Variants in TARBP1 observed in about 807,000 individuals in gnomAD.
The protein encoded by TARBP1 is tRNA guanosine 2 -O-methyltransferase TARBP1.
In TARBP1, 144 loss-of-function variants were observed where a neutral mutation model predicts 178.6. The observed-to-expected ratio is 0.81, with a 90% confidence interval of 0.70 to 0.93. The LOEUF (loss-of-function observed/expected upper bound fraction) is 0.93. TARBP1 is among the 40% of genes least tolerant of loss of function. The pLI is 0.00. For synonymous variants in TARBP1, 787 were observed against 781.0 expected (o/e 1.01, Z -0.13); for missense variants, 2,067 against 2,011.7 (o/e 1.03, Z -0.53).
In TARBP1 at chr1:234,451,766, A is replaced by AAAAACAAAAAAAAAACAAAAAAAC. The variant is rs57636903; in HGVS notation, c.1723-1201_1723-1200insGTTTTTTTGTTTTTTTTTTGTTTT. 1.2e-4 allele frequency among the ~76,000 whole-genome samples: 2 copies of AAAAACAAAAAAAAAACAAAAAAAC among 17,166 alleles called. 1 individual carries two copies. The highest frequency in any genetic ancestry group is 0.016 in the East Asian group (2 of 124). 11.3% of individuals were successfully genotyped at this position (17,166 alleles called of 152,430 possible). A position where few individuals can be genotyped will look rare whatever the true frequency, so the allele number is the denominator to read the frequency against. On this transcript the variant is annotated intron_variant, in intron 9 of 29. Coordinates refer to ENST00000040877, the MANE Select transcript of TARBP1 (RefSeq NM_005646.4). ...TCCGTCTCAAAAAAAAAAAAAAAAA[A>AAAAACAAAAAAAAAACAAAAAAAC]TGATGAATGACTGGATCATCGAAGT...
rs1314129460 is a variant in TARBP1 at position 234,420,767 on chromosome 1, G to T, written c.3490C>A (p.Leu1164Ile). 1.2e-6 allele frequency: 2 copies of T among 1,612,582 alleles called. No homozygotes were observed. Among genetic ancestry groups the T allele is most frequent in the Admixed American group, 3.3e-5 (2 of 59,756 alleles). The change falls in exon 21 of 30, where the codon CTA (leucine) becomes ATA (isoleucine). Residue 1164 changes from leucine (L) to isoleucine (I), a missense_variant. Physicochemically the swap from Leu to Ile is conservative, Grantham distance 5. Transcript: ENST00000040877. ...KSKKRYYVNS[L>I]QHRVKNRVWQ... Reference sequence around the variant, plus strand: ...ACTCGGTTTTTCACTCTGTGCTGTAGAGAATTCACATAGTAGCGTTTTTTG... The same window carrying T: ...ACTCGGTTTTTCACTCTGTGCTGTATAGAATTCACATAGTAGCGTTTTTTG...
intron 20 of TARBP1, 139 bp downstream of exon 20, chr1:234,425,534 G>A (rs1663642290): frequency 1.0e-6 from 1 of 956,010 alleles, no homozygotes; most frequent in Non-Finnish European, 1.6e-6. Context: ...AATCAAGACT[G>A]AATTAAAAAT....
At position 234,478,499 on chromosome 1, in the gene TARBP1, C is replaced by G; in HGVS notation, c.605G>C (p.Cys202Ser). Residue 202 changes from cysteine to serine, a missense_variant, in exon 1 of 30, where the codon TGT becomes TCT. Transcript: ENST00000040877. ...CACGGCCCGCAGCGCCGCCCCGCCA[C>G]ATTGGACCAGCACTGGCAGCAGTCG... ...AGRLLPVLVQ[C>S]GGAALRAVWG... is the part of the protein sequence containing the mutation. The G allele has an allele frequency of 7.2e-7, 1 of 1,394,166 alleles. No individual in the cohort carries two copies. Among genetic ancestry groups the G allele is most frequent in the Non-Finnish European group, 9.3e-7 (1 of 1,071,336 alleles). 86.4% of individuals were successfully genotyped at this position (1,394,166 alleles called of 1,614,324 possible).
intron 7 of TARBP1, among the ~76,000 whole-genome samples, 185 bp from the exon 8 acceptor site, chr1:234,459,511 T>G (rs1667626937): frequency 1.3e-5 from 2 of 152,136 alleles, no homozygotes; most frequent in Admixed American, 1.3e-4. Flanking sequence ...AACAAGTCTC[T>G]TTTAAAAATA....
intron 2 of TARBP1, among the ~76,000 whole-genome samples, chr1:234,472,328 C>CAA (rs1669139111): frequency 3.0e-5 from 1 of 33,886 alleles, no homozygotes; most frequent in Non-Finnish European, 5.6e-5. Context: ...GACTCTGTCT[C>CAA]CAAAAAAAAA....
Position 234,478,157 on chromosome 1 carries a change from G to T in TARBP1, c.931+16C>A. The T allele has an allele frequency of 6.2e-7, 1 of 1,610,662 alleles. No homozygotes were observed. The highest frequency in any genetic ancestry group is 2.2e-5 in the East Asian group (1 of 44,712). On this transcript the variant is annotated intron_variant, in intron 1 of 29. Coordinates refer to ENST00000040877, the MANE Select transcript of TARBP1 (RefSeq NM_005646.4). The stretch of plus-strand genomic sequence containing the variant: ...CAAGTAGGTAGCACTAGGCTGGGGG[G>T]CAAAGAGGCAGGTACCGTTTCCTTC...
intron 28 of TARBP1, 185 bp from the exon 29 acceptor site, chr1:234,392,737 G>A (rs1659513766): frequency 2.4e-6 from 1 of 422,252 alleles, no homozygotes; most frequent in Non-Finnish European, 4.1e-6. Context: ...TTGAGGTGGA[G>A]TCTTGCTGTG....
intron 9 of TARBP1, among the ~76,000 whole-genome samples, chr1:234,456,580 A>G (rs1261564399): frequency 6.6e-6 from 1 of 152,256 alleles, no homozygotes; most frequent in Non-Finnish European, 1.5e-5. Flanking sequence ...TTTTTACTAC[A>G]TCTTGAAAAA....
Position 234,429,740 on chromosome 1 carries a change from G to A in TARBP1, c.2610-63C>T, listed in dbSNP as rs369710693. The A allele has an allele frequency of 6.3e-4, 736 of 1,162,010 alleles. 15 individuals carry two copies. The South Asian group carries it at 9.8e-3, about 16-fold the overall frequency. The allele number at this position is 1,162,010 out of a possible 1,614,324, so 72.0% of individuals were successfully genotyped here. A position where few individuals can be genotyped will look rare whatever the true frequency, so the allele number is the denominator to read the frequency against. The stretch of plus-strand genomic sequence containing the variant: ...CAATTTGCCTCCACGTCTTTTGCAC[G>A]TAGCACACTATCCTTTCTAAAGGTG... On this transcript the variant is annotated intron_variant, in intron 15 of 29. Transcript: ENST00000040877.
intron 12 of TARBP1, among the ~76,000 whole-genome samples, chr1:234,439,191 C>G (rs12064512): frequency 0.13 from 20,403 of 152,106 alleles, 1,505 homozygotes; most frequent in Middle Eastern, 0.26. Flanking sequence ...AAAGGAAGAG[C>G]AAAAGAGACC....
At chr1:234,394,085 T>A (rs1368759941) in intron 26 of TARBP1, among the ~76,000 whole-genome samples, 2 of 152,144 alleles carry the variant, frequency 1.3e-5, no homozygotes, top group African/African-American at 2.4e-5. Context: ...CATGGAAACA[T>A]GAGATACACG....
chr1:234,394,968 A>G (rs1659773515), intron 26 of TARBP1, among the ~76,000 whole-genome samples: 1 of 151,792 alleles, frequency 6.6e-6, no homozygotes, highest in Non-Finnish European at 1.5e-5. Context: ...GGACGCCTAT[A>G]ATCCCAGCAC....
chr1:234,426,149 C>G (rs138730524), intron 19 of TARBP1, among the ~76,000 whole-genome samples: 118 of 152,322 alleles, frequency 7.7e-4, no homozygotes, highest in African/African-American at 2.5e-3. Context: ...CCTCCATTCA[C>G]TCAGGGGCAT....
chr1:234,478,140 T>G (rs774124080), intron 1 of TARBP1, 33 bp downstream of exon 1: 8 of 1,596,256 alleles, frequency 5.0e-6, no homozygotes, highest in Middle Eastern at 1.7e-4. Context: ...GCCAAGTAGG[T>G]AGCACTAGGC....
intron 6 of TARBP1, among the ~76,000 whole-genome samples, chr1:234,462,593 G>T (rs1467625810): frequency 3.3e-5 from 5 of 151,090 alleles, no homozygotes; most frequent in Admixed American, 3.3e-4. Flanking sequence ...GGAGGCTGAG[G>T]CAGGAGAATC....
Position 234,458,016 on chromosome 1 carries a change from A to C in TARBP1, c.1633-260T>G, listed in dbSNP as rs552083938. On this transcript the variant is annotated intron_variant, in intron 8 of 29. Coordinates refer to ENST00000040877, the MANE Select transcript of TARBP1 (RefSeq NM_005646.4). The stretch of plus-strand genomic sequence containing the variant: ...AGACAGTCACAATCTTAAAAAAAAA[A>C]AAAACACCATTCTATAAGAAGAAAT... Among the ~76,000 whole-genome samples, 452 of 152,180 alleles carry C rather than the reference A, an allele frequency of 3.0e-3. 3 individuals are homozygous for C. The highest frequency in any genetic ancestry group is 3.9e-3 in the Non-Finnish European group (268 of 68,016).
In TARBP1 at chr1:234,478,349, G is replaced by A; in HGVS notation, c.755C>T (p.Ala252Val). The A allele has an allele frequency of 1.6e-6, 2 of 1,265,546 alleles. No individual in the cohort carries two copies. The highest frequency in any genetic ancestry group is 2.0e-6 in the Non-Finnish European group (2 of 1,011,318). The allele number at this position is 1,265,546 out of a possible 1,614,324, so 78.4% of individuals were successfully genotyped here. The change falls in exon 1 of 30, where the codon GCG (alanine) becomes GTG (valine). Residue 252 changes from alanine to valine, a missense_variant. Physicochemically the swap from Ala to Val is moderately conservative, Grantham distance 64. Coordinates refer to ENST00000040877, the MANE Select transcript of TARBP1 (RefSeq NM_005646.4). ...CCGGGCGTCCGGGCCCGCCTCGCGC[G>A]CGCCGCGGGCGCGGTCGCCGCCGGG... Reference protein sequence around the residue: ...PEPGGDRARGAREAGPDARRC... With the variant: ...PEPGGDRARGVREAGPDARRC...
intron 19 of TARBP1, 103 bp from the exon 20 acceptor site, chr1:234,425,896 G>C: frequency 1.1e-6 from 1 of 943,808 alleles, no homozygotes; most frequent in South Asian, 1.9e-5. Context: ...ACCTCTCAAA[G>C]TTTTCTAAAA....
At chr1:234,450,368 T>A in intron 10 of TARBP1, 60 bp downstream of exon 10, 1 of 1,420,834 alleles carries the variant, frequency 7.0e-7, no homozygotes, top group Non-Finnish European at 9.5e-7. Flanking sequence ...GAAAAACTAG[T>A]TAAAAGTTCT....
Sources: allele counts gnomAD v4.1 joint callset (sites outside exome capture counted in the v4.1 genomes callset), GRCh38; gene constraint gnomAD v4.1.1; transcripts MANE v1.5; gene names NCBI Gene and HGNC (gene_info 2026-07-23, HGNC 2026-07-21).